Variants in TPST1 observed in about 807,000 individuals in gnomAD.
The protein encoded by TPST1 is tyrosylprotein sulfotransferase 1, also known as protein-tyrosine sulfotransferase 1.
In TPST1, 20 loss-of-function variants were observed where a neutral mutation model predicts 34.8. The ratio of observed to expected loss-of-function variants is 0.57; its 90% CI spans 0.40 to 0.84. The LOEUF (loss-of-function observed/expected upper bound fraction) is 0.84, where lower values mean the gene tolerates loss of function less well. Among genes scored for constraint, TPST1 ranks in the 40% least tolerant of loss-of-function variants. The pLI, the probability that TPST1 is intolerant of heterozygous loss-of-function variation, is 0.00. For synonymous variants in TPST1, 152 were observed against 159.4 expected (o/e 0.95, Z 0.35); for missense variants, 353 against 455.5 (o/e 0.78, Z 2.05).
rs890868116 is a variant in TPST1, at chr7:66,332,392, C to T, written c.1045-20113C>T. 1.3e-5 allele frequency among the ~76,000 whole-genome samples: 2 copies of T among 151,916 alleles called. No individual in the cohort carries two copies. The highest frequency in any genetic ancestry group is 1.9e-4 in the East Asian group (1 of 5,172). The stretch of plus-strand genomic sequence containing the variant: ...AAGCGATTCTCCTGCCTCAGCCTCC[C>T]GAGTAGCTGGGATTACAGGTGCCCG... On this transcript the variant is annotated intron_variant, in intron 3 of 5. Coordinates refer to ENST00000304842, the MANE Select transcript of TPST1 (RefSeq NM_003596.4). This position sits in a 1 kb window ranked among gnomAD's most constrained non-coding sequence, Gnocchi z 4.5.
intron 3 of TPST1, among the ~76,000 whole-genome samples, chr7:66,324,860 G>A (rs1266799090): frequency 6.7e-6 from 1 of 149,560 alleles, no homozygotes; most frequent in Non-Finnish European, 1.5e-5. Flanking sequence ...CTGAAATGTG[G>A]TTTACATAGA....
chr7:66,261,409 A>T (rs904440644), intron 2 of TPST1, among the ~76,000 whole-genome samples: 4 of 152,100 alleles, frequency 2.6e-5, no homozygotes, highest in Admixed American at 2.6e-4. Context: ...TGAAACATTT[A>T]TAAGTTATGT....
intron 3 of TPST1, among the ~76,000 whole-genome samples, chr7:66,343,861 C>T (rs2116340751): frequency 6.6e-6 from 1 of 152,244 alleles, no homozygotes; most frequent in Middle Eastern, 3.4e-3. Context: ...ATACTAAAGG[C>T]TCTAATGGAA....
intron 4 of TPST1, among the ~76,000 whole-genome samples, chr7:66,353,413 G>A (rs1792520525): frequency 6.6e-6 from 1 of 152,216 alleles, no homozygotes; most frequent in African/African-American, 2.4e-5. Context: ...AGGTTGCCAT[G>A]AGTTTAGATT....
chr7:66,249,922 C>G (rs1790228104), intron 2 of TPST1, among the ~76,000 whole-genome samples: 1 of 152,180 alleles, frequency 6.6e-6, no homozygotes, highest in Non-Finnish European at 1.5e-5. Context: ...CCCCCTCTGT[C>G]TGGGATGTAC....
At chr7:66,217,610 G>T (rs911932641) in intron 1 of TPST1, among the ~76,000 whole-genome samples, 1 of 151,986 alleles carries the variant, frequency 6.6e-6, no homozygotes, top group Non-Finnish European at 1.5e-5. Context: ...TTGTTTGTTT[G>T]TTTGAGATGG....
intron 2 of TPST1, among the ~76,000 whole-genome samples, chr7:66,250,717 AGT>A (rs1790245103): frequency 6.6e-6 from 1 of 152,246 alleles, no homozygotes; most frequent in East Asian, 1.9e-4. Context: ...AATCAAGCAC[AGT>A]AAGATTAACA....
intron 1 of TPST1, among the ~76,000 whole-genome samples, chr7:66,214,305 AT>A (rs1789340598): frequency 6.6e-6 from 1 of 151,704 alleles, no homozygotes; most frequent in South Asian, 2.1e-4. Flanking sequence ...CATATATAAT[AT>A]TGTCCTCCTT....
At chr7:66,319,167 C>T (rs773469038) in intron 3 of TPST1, among the ~76,000 whole-genome samples, 1 of 152,038 alleles carries the variant, frequency 6.6e-6, no homozygotes, top group Non-Finnish European at 1.5e-5. Context: ...CTTCTCCGTT[C>T]TCTCCATTTT....
chr7:66,275,599 T>C (rs2115840147), intron 2 of TPST1, among the ~76,000 whole-genome samples: 1 of 152,342 alleles, frequency 6.6e-6, no homozygotes, highest in South Asian at 2.1e-4. Flanking sequence ...TAGAACATTA[T>C]TGTAAATGAA....
At chr7:66,207,446 A>G (rs1789154168) in intron 1 of TPST1, among the ~76,000 whole-genome samples, 1 of 152,182 alleles carries the variant, frequency 6.6e-6, no homozygotes, top group African/African-American at 2.4e-5. Context: ...CTTACTTTCG[A>G]AAGCTAACGT....
chr7:66,310,954 G>A (rs1791519052), intron 3 of TPST1, among the ~76,000 whole-genome samples: 1 of 151,994 alleles, frequency 6.6e-6, no homozygotes, highest in Non-Finnish European at 1.5e-5. Flanking sequence ...GCCTCCCAAA[G>A]TTCTGGGATT....
chr7:66,268,930 G>A (rs559823132), intron 2 of TPST1, among the ~76,000 whole-genome samples: 1 of 152,286 alleles, frequency 6.6e-6, no homozygotes, highest in African/African-American at 2.4e-5. Context: ...TGATCCGCCT[G>A]CCTTGGCCTC....
chr7:66,343,884 A>G (rs1225956273), intron 3 of TPST1, among the ~76,000 whole-genome samples: 1 of 152,244 alleles, frequency 6.6e-6, no homozygotes, highest in African/African-American at 2.4e-5. Flanking sequence ...AGTGAACAAC[A>G]TGCAAGAAAG....
chr7:66,237,197 C>A (rs1789928588), intron 1 of TPST1, among the ~76,000 whole-genome samples: 3 of 152,190 alleles, frequency 2.0e-5, no homozygotes, highest in Admixed American at 6.5e-5. Flanking sequence ...CTTCCCCACT[C>A]CAAACTCAGT....
intron 2 of TPST1, among the ~76,000 whole-genome samples, chr7:66,284,807 T>G (rs1278839146): frequency 6.6e-6 from 1 of 152,152 alleles, no homozygotes; most frequent in African/African-American, 2.4e-5. Context: ...TCCACCCACT[T>G]TGGTCTCCCA....
At chr7:66,330,717 G>A (rs893132948) in intron 3 of TPST1, among the ~76,000 whole-genome samples, 1 of 151,944 alleles carries the variant, frequency 6.6e-6, no homozygotes, top group Non-Finnish European at 1.5e-5. Flanking sequence ...GGCAATTTAG[G>A]CTTTACTGCT....
chr7:66,201,381 CAAAAAAAAAA>C (rs138553925), upstream of TPST1, among the ~76,000 whole-genome samples: 7 of 73,520 alleles, frequency 9.5e-5, no homozygotes, highest in South Asian at 4.2e-4. Context: ...CCATCTCTAC[CAAAAAAAAAA>C]AAAAAAAAAA....
chr7:66,310,231 A>C (rs1791503942), intron 3 of TPST1, among the ~76,000 whole-genome samples: 1 of 152,222 alleles, frequency 6.6e-6, no homozygotes, highest in South Asian at 2.1e-4. Context: ...TTCTGAGAAA[A>C]TAAAGAATTG....
Sources: gnomAD v4.1 joint callset for allele counts (sites outside exome capture counted in the v4.1 genomes callset) on GRCh38, gnomAD v4.1.1 for gene constraint, Gnocchi (gnomAD v3.1) non-coding constraint, MANE v1.5 for transcripts, NCBI Gene and HGNC (gene_info 2026-07-23, HGNC 2026-07-21) for gene names.